C20orf203: variants seen among roughly 807,000 people sequenced by gnomAD.
C20orf203 encodes the protein chromosome 20 open reading frame 203.
C20orf203 carries 16 observed loss-of-function variants against 15.9 expected under a neutral mutation model. That is an observed-to-expected ratio of 1.01 (90% CI 0.68 to 1.53). The LOEUF is 1.53. Among genes scored for constraint, C20orf203 ranks in the 40% most tolerant of loss-of-function variants. The probability of loss-of-function intolerance (pLI) is 0.00; values close to 1 mark genes in which losing one functional copy is unlikely to be tolerated. For missense variants in C20orf203, 263 were observed against 247.5 expected, an observed-to-expected ratio of 1.06 and a Z score of -0.42; for synonymous variants, 98 against 97.2, an observed-to-expected ratio of 1.01 and a Z score of -0.05.
intron 1 of C20orf203, among the ~76,000 whole-genome samples, chr20:32,652,308 G>C (rs949797228): frequency 1.3e-4 from 14 of 105,686 alleles, no homozygotes; most frequent in African/African-American, 5.3e-4. Context: ...GGGCGACAGA[G>C]CAAGACTCCA....
At position 32,632,883 on chromosome 20, in the gene C20orf203, A is replaced by G. The variant is rs900428616; in HGVS notation, c.*2687T>C. The G allele has an allele frequency of 6.6e-6, 1 of 152,382 alleles. No homozygotes were observed. The highest frequency in any genetic ancestry group is 6.5e-5 in the Admixed American group (1 of 15,278). 9.4% of individuals were successfully genotyped at this position (152,382 alleles called of 1,614,324 possible). The stretch of plus-strand genomic sequence containing the variant: ...GTAATTTATAAAGAAAAGAGGTTTA[A>G]TTGACTCACAGTTCTGCGTGGCTGG... On this transcript the variant is annotated 3_prime_UTR_variant, in exon 6 of 6. Transcript: ENST00000608990.
intron 1 of C20orf203, among the ~76,000 whole-genome samples, chr20:32,671,594 G>A (rs576680205): frequency 1.3e-5 from 2 of 152,306 alleles, no homozygotes; most frequent in Admixed American, 6.5e-5. Context: ...TATAATCCCA[G>A]CACTTTGGGA....
chr20:32,638,184 C>T (rs1328625350), intron 5 of C20orf203, among the ~76,000 whole-genome samples: 1 of 152,134 alleles, frequency 6.6e-6, no homozygotes, highest in Non-Finnish European at 1.5e-5. Context: ...TTTGCAACAG[C>T]CTTAAAAGAA....
chr20:32,657,504 CA>C (rs942819765), intron 1 of C20orf203: 4 of 150,736 alleles, frequency 2.7e-5, no homozygotes, highest in African/African-American at 9.8e-5. Context: ...ACAACAACAA[CA>C]ACAACAACAA....
At chr20:32,636,706 G>A (rs1426266475) in intron 5 of C20orf203, among the ~76,000 whole-genome samples, 1 of 152,094 alleles carries the variant, frequency 6.6e-6, no homozygotes, top group Non-Finnish European at 1.5e-5. Flanking sequence ...GCTCACCCAG[G>A]GAGGGCATAT....
At chr20:32,648,978 A>G (rs1325715058) in intron 4 of C20orf203, among the ~76,000 whole-genome samples, 1 of 152,148 alleles carries the variant, frequency 6.6e-6, no homozygotes, top group East Asian at 1.9e-4. Context: ...ATTTGTTCTC[A>G]GCTGCCTCCC....
chr20:32,642,985 T>A (rs1982325046), intron 4 of C20orf203, among the ~76,000 whole-genome samples: 1 of 151,962 alleles, frequency 6.6e-6, no homozygotes, highest in Non-Finnish European at 1.5e-5. Context: ...CTACAGACAG[T>A]GGGCAGGAGG....
rs1052673437 is a variant in C20orf203 at position 32,664,635 on chromosome 20, G to A, written c.-264+8997C>T. On this transcript the variant is annotated intron_variant, in intron 1 of 5. Coordinates refer to ENST00000608990, the MANE Select transcript of C20orf203 (RefSeq NM_182584.4). ...TGCAGCCACAGGCAGGCTCCTCAGC[G>A]TGAGAAGAGAGGACCAGGCAGTGGC... Among the ~76,000 whole-genome samples the A allele has an allele frequency of 7.2e-5, 11 of 152,332 alleles. No homozygotes were observed. In the South Asian group the frequency reaches 2.1e-3, roughly 29 times the overall value.
chr20:32,644,097 C>T (rs879417332), intron 4 of C20orf203, among the ~76,000 whole-genome samples: 4 of 152,186 alleles, frequency 2.6e-5, no homozygotes, highest in Admixed American at 6.5e-5. Flanking sequence ...CCAAACCAGA[C>T]AGAATACCCA....
chr20:32,656,404 G>A (rs1354369882), intron 1 of C20orf203, among the ~76,000 whole-genome samples: 2 of 152,172 alleles, frequency 1.3e-5, no homozygotes, highest in Admixed American at 6.5e-5. Flanking sequence ...AAGTGTTGAT[G>A]AGAATATGGA....
At chr20:32,643,625 C>A (rs890892741) in intron 4 of C20orf203, among the ~76,000 whole-genome samples, 11 of 140,742 alleles carry the variant, frequency 7.8e-5, no homozygotes, top group South Asian at 4.9e-4. Context: ...CTTCCTGGAA[C>A]CACACACACA....
chr20:32,662,926 T>TAG lies in C20orf203; in HGVS notation c.-264+10705_-264+10706insCT, dbSNP rs1555817811. Reference sequence around the variant, plus strand: ...CAAGAAAGGAACAGCTAGATATATATATATAGATAGATAGATATAAATATA... The same window carrying TAG: ...CAAGAAAGGAACAGCTAGATATATATAGATATAGATAGATAGATATAAATATA... On this transcript the variant is annotated intron_variant, in intron 1 of 5. Transcript: ENST00000608990. 8.4e-3 allele frequency among the ~76,000 whole-genome samples: 1,197 copies of TAG among 142,978 alleles called. 27 individuals carry two copies. The highest frequency in any genetic ancestry group is 0.03 in the African/African-American group (1,152 of 37,982). The allele number at this position is 142,978 out of a possible 152,430, so 93.8% of individuals were successfully genotyped here. A position where few individuals can be genotyped will look rare whatever the true frequency, so the allele number is the denominator to read the frequency against.
At chr20:32,648,817 A>G (rs374575897) in intron 4 of C20orf203, among the ~76,000 whole-genome samples, 1 of 152,176 alleles carries the variant, frequency 6.6e-6, no homozygotes, top group Non-Finnish European at 1.5e-5. Context: ...CAGATAGTAC[A>G]GGGAGTTCCT....
intron 1 of C20orf203, among the ~76,000 whole-genome samples, chr20:32,667,798 G>A (rs547281586): frequency 6.6e-6 from 1 of 152,300 alleles, no homozygotes; most frequent in South Asian, 2.1e-4. Context: ...AGGCTCTTGA[G>A]TAGCCGGGAC....
At chr20:32,656,490 A>G (rs1982756320) in intron 1 of C20orf203, 1 of 152,248 alleles carries the variant, frequency 6.6e-6, no homozygotes, top group South Asian at 2.1e-4. Context: ...AAAAGGTTAT[A>G]TATAGAGTTA....
At chr20:32,673,278 G>A (rs1983217713) in intron 1 of C20orf203, among the ~76,000 whole-genome samples, 1 of 152,170 alleles carries the variant, frequency 6.6e-6, no homozygotes, top group Non-Finnish European at 1.5e-5. Context: ...TGGCTGCCAT[G>A]GGGGACAGTC....
At chr20:32,653,587 T>C (rs6057610) in intron 1 of C20orf203, among the ~76,000 whole-genome samples, 75,863 of 151,894 alleles carry the variant, frequency 0.5, 19,490 homozygotes, top group Middle Eastern at 0.59. Flanking sequence ...CTAAGAAGAG[T>C]GTTCCTACAG....
chr20:32,652,468 G>GT (rs1470819562), intron 1 of C20orf203, among the ~76,000 whole-genome samples: 1 of 151,984 alleles, frequency 6.6e-6, no homozygotes, highest in East Asian at 1.9e-4. Flanking sequence ...CAAGGCAAAG[G>GT]TTTTGATTTT....
At chr20:32,641,845 T>C (rs1982290267) in intron 4 of C20orf203, among the ~76,000 whole-genome samples, 1 of 152,070 alleles carries the variant, frequency 6.6e-6, no homozygotes, top group South Asian at 2.1e-4. Context: ...TGTTTTTGTT[T>C]TTGTTTTTTT....
Sources: gnomAD v4.1 joint callset for allele counts (sites outside exome capture counted in the v4.1 genomes callset) on GRCh38, gnomAD v4.1.1 for gene constraint, MANE v1.5 for transcripts, NCBI Gene and HGNC (gene_info 2026-07-23, HGNC 2026-07-21) for gene names.